Variants in GALNT13 observed in about 807,000 individuals in gnomAD.
GALNT13 encodes UDP-GalNAc:polypeptide N-acetylgalactosaminyltransferase 13.
In GALNT13, 28 loss-of-function variants were observed where a neutral mutation model predicts 64.2. The observed-to-expected ratio is 0.44, with a 90% CI of 0.32 to 0.60. The LOEUF is 0.60. Among genes scored for constraint, GALNT13 ranks in the 20% least tolerant of loss-of-function variants. The probability of loss-of-function intolerance (pLI) is 0.05; values close to 1 mark genes in which losing one functional copy is unlikely to be tolerated. For synonymous variants in GALNT13, 214 were observed against 224.6 expected (o/e 0.95, Z 0.42); for missense variants, 577 against 669.8 (o/e 0.86, Z 1.53).
the GALNT13 span, among the ~76,000 whole-genome samples, chr2:153,422,863 A>G: frequency 1.3e-5 from 2 of 152,050 alleles, no homozygotes; most frequent in African/African-American, 4.8e-5. Flanking sequence ...AACGACAATA[A>G]CAGCAAAACC....
the GALNT13 span, among the ~76,000 whole-genome samples, chr2:153,186,022 T>C: frequency 6.6e-6 from 1 of 152,122 alleles, no homozygotes. Flanking sequence ...TTGTTAATTT[T>C]CTGTCTCGGT....
At chr2:154,251,840 G>T (rs1248681256) in intron 7 of GALNT13, among the ~76,000 whole-genome samples, 1 of 152,094 alleles carries the variant, frequency 6.6e-6, no homozygotes, top group Non-Finnish European at 1.5e-5. Flanking sequence ...GAATAAGGAA[G>T]AAAGGAGAGA....
At chr2:153,629,102 C>T in the GALNT13 span, among the ~76,000 whole-genome samples, 1 of 152,096 alleles carries the variant, frequency 6.6e-6, no homozygotes, top group Non-Finnish European at 1.5e-5. Flanking sequence ...GGAATTTATC[C>T]ATTTCTTCTA....
chr2:154,025,041 C>T (rs1275361731), intron 3 of GALNT13, among the ~76,000 whole-genome samples: 1 of 152,176 alleles, frequency 6.6e-6, no homozygotes, highest in Non-Finnish European at 1.5e-5. Flanking sequence ...GCTGCCTGAT[C>T]GTTCCTCTGG....
At chr2:154,247,299 G>A (rs1573949036) in intron 7 of GALNT13, among the ~76,000 whole-genome samples, 2 of 151,940 alleles carry the variant, frequency 1.3e-5, no homozygotes, top group Admixed American at 6.6e-5. Context: ...TTAACAAACT[G>A]GGAAAATATA....
At chr2:154,420,073 C>CTTT (rs1176947701) in intron 11 of GALNT13, among the ~76,000 whole-genome samples, 1 of 152,012 alleles carries the variant, frequency 6.6e-6, no homozygotes, top group Non-Finnish European at 1.5e-5. Context: ...TGAAATATCA[C>CTTT]AGTAAGTGTA....
the GALNT13 span, among the ~76,000 whole-genome samples, chr2:153,781,771 G>T: frequency 1.3e-4 from 20 of 151,934 alleles, no homozygotes; most frequent in Admixed American, 7.9e-4. Context: ...AATCAAAGTT[G>T]AGGAAAAGAG....
At chr2:154,335,976 C>T (rs1260608763) in intron 9 of GALNT13, among the ~76,000 whole-genome samples, 1 of 151,790 alleles carries the variant, frequency 6.6e-6, no homozygotes, top group Non-Finnish European at 1.5e-5. Flanking sequence ...TTACTTGGTA[C>T]TTTGTTAGAA....
chr2:154,265,770 A>G (rs1690961975), intron 8 of GALNT13, among the ~76,000 whole-genome samples: 1 of 152,220 alleles, frequency 6.6e-6, no homozygotes, highest in South Asian at 2.1e-4. Context: ...ATTCTGTGAG[A>G]TCAGCATTAC....
At chr2:153,475,831 T>C in the GALNT13 span, among the ~76,000 whole-genome samples, 2 of 152,166 alleles carry the variant, frequency 1.3e-5, no homozygotes, top group African/African-American at 4.8e-5. Flanking sequence ...TGAGTTAAAT[T>C]TTAAGTGTCT....
chr2:154,441,881 A>G (rs1431272241), intron 12 of GALNT13: 2 of 152,108 alleles, frequency 1.3e-5, no homozygotes, highest in African/African-American at 4.8e-5. Context: ...CAATTCTTAC[A>G]ATAGTCTTAT....
chr2:153,485,480 G>A, the GALNT13 span, among the ~76,000 whole-genome samples: 1 of 152,144 alleles, frequency 6.6e-6, no homozygotes, highest in African/African-American at 2.4e-5. Flanking sequence ...TATCTGGAAG[G>A]TATTTATGTG....
the GALNT13 span, among the ~76,000 whole-genome samples, chr2:153,652,323 T>C: frequency 2.0e-5 from 3 of 152,244 alleles, no homozygotes; most frequent in East Asian, 1.9e-4. Flanking sequence ...AATGGACTTA[T>C]AAATTTAGGG....
At chr2:153,193,915 A>G in the GALNT13 span, among the ~76,000 whole-genome samples, 1 of 152,084 alleles carries the variant, frequency 6.6e-6, no homozygotes, top group South Asian at 2.1e-4. Flanking sequence ...CTTTGAATAT[A>G]TTATGCCATT....
the GALNT13 span, among the ~76,000 whole-genome samples, chr2:153,841,697 G>A: frequency 0.1 from 15,572 of 152,056 alleles, 1,004 homozygotes; most frequent in African/African-American, 0.17. Flanking sequence ...TATACAAAAT[G>A]TGCCTATGTT....
the GALNT13 span, among the ~76,000 whole-genome samples, chr2:153,405,817 A>G: frequency 1.3e-5 from 2 of 152,316 alleles, no homozygotes; most frequent in African/African-American, 4.8e-5. Flanking sequence ...AAGGTGGCAT[A>G]TATGAACTGC....
intron 3 of GALNT13, among the ~76,000 whole-genome samples, chr2:154,020,874 T>C (rs899577783): frequency 6.6e-6 from 1 of 152,182 alleles, no homozygotes; most frequent in African/African-American, 2.4e-5. Context: ...AATTAATTTT[T>C]GTATAAGGTG....
chr2:153,723,464 CAGG>C, the GALNT13 span, among the ~76,000 whole-genome samples: 2 of 147,754 alleles, frequency 1.4e-5, no homozygotes, highest in African/African-American at 5.2e-5. Context: ...GGAAATCAGG[CAGG>C]AGAAGGAAAT....
the GALNT13 span, among the ~76,000 whole-genome samples, chr2:153,227,128 T>A: frequency 6.6e-6 from 1 of 152,212 alleles, no homozygotes; most frequent in Non-Finnish European, 1.5e-5. Context: ...CAAGTGGGGA[T>A]GTTTTGGGAA....
Sources: gnomAD v4.1 joint callset for allele counts (sites outside exome capture counted in the v4.1 genomes callset) on GRCh38, gnomAD v4.1.1 for gene constraint, MANE v1.5 for transcripts, NCBI Gene and HGNC (gene_info 2026-07-23, HGNC 2026-07-21) for gene names.